PDGFD: variants seen among roughly 807,000 people sequenced by gnomAD.
The protein encoded by PDGFD is platelet-derived growth factor D.
In PDGFD, 30 loss-of-function variants were observed where a neutral mutation model predicts 44.7. That is an observed-to-expected ratio of 0.67 (90% CI 0.50 to 0.91). PDGFD has a LOEUF of 0.91. PDGFD is among the 40% of genes least tolerant of loss of function. The pLI, the probability that PDGFD is intolerant of heterozygous loss-of-function variation, is 0.00. For synonymous variants in PDGFD, 173 were observed against 168.4 expected (o/e 1.03, Z -0.21); for missense variants, 445 against 457.8 (o/e 0.97, Z 0.25).
chr11:103,913,376 C>T (rs185852771), intron 6 of PDGFD, among the ~76,000 whole-genome samples: 43 of 152,244 alleles, frequency 2.8e-4, no homozygotes, highest in African/African-American at 9.6e-4. Flanking sequence ...TACATGGAAA[C>T]TGAACAACCT....
At chr11:104,043,176 T>G (rs1860386982) in intron 1 of PDGFD, among the ~76,000 whole-genome samples, 2 of 152,168 alleles carry the variant, frequency 1.3e-5, no homozygotes, top group South Asian at 4.1e-4. Flanking sequence ...GTAGAGGGAA[T>G]GGTTCCTGCT....
At chr11:104,118,794 TAA>T (rs1369349116) in intron 1 of PDGFD, among the ~76,000 whole-genome samples, 1 of 108,204 alleles carries the variant, frequency 9.2e-6, no homozygotes, top group East Asian at 2.3e-4. Flanking sequence ...TTATATATTA[TAA>T]ATATTAATAT....
chr11:104,000,987 C>A (rs189553193), intron 1 of PDGFD, among the ~76,000 whole-genome samples: 13 of 152,096 alleles, frequency 8.5e-5, no homozygotes, highest in African/African-American at 2.9e-4. Context: ...CCCGGGACCA[C>A]GTCTGAATTT....
At chr11:104,024,661 G>C (rs994915901) in intron 1 of PDGFD, among the ~76,000 whole-genome samples, 2 of 152,140 alleles carry the variant, frequency 1.3e-5, no homozygotes, top group Non-Finnish European at 2.9e-5. Context: ...GGTTATGTAG[G>C]TTTGGCTAAG....
At chr11:103,936,268 C>T (rs957984700) in intron 5 of PDGFD, among the ~76,000 whole-genome samples, 3 of 152,136 alleles carry the variant, frequency 2.0e-5, no homozygotes, top group African/African-American at 4.8e-5. Flanking sequence ...TCACTGGTGT[C>T]GGCCAACAGC....
intron 1 of PDGFD, among the ~76,000 whole-genome samples, chr11:104,009,841 CT>C (rs1859756397): frequency 6.6e-6 from 1 of 152,120 alleles, no homozygotes; most frequent in South Asian, 2.1e-4. Context: ...GCTTTTTCAG[CT>C]TTTTCCCCCT....
chr11:104,036,887 G>A, intron 1 of PDGFD: 2 of 1,614,160 alleles, frequency 1.2e-6, no homozygotes, highest in Non-Finnish European at 8.5e-7. Flanking sequence ...CTCCAGGTCA[G>A]CCCCGACTTT....
intron 5 of PDGFD, among the ~76,000 whole-genome samples, chr11:103,929,464 A>G (rs1191948813): frequency 1.3e-5 from 2 of 152,230 alleles, no homozygotes; most frequent in East Asian, 1.9e-4. Context: ...TCCACAAACC[A>G]GGAGAAGGCA....
chr11:104,056,949 GA>G (rs1262063698), intron 1 of PDGFD, among the ~76,000 whole-genome samples: 3 of 152,084 alleles, frequency 2.0e-5, no homozygotes, highest in Admixed American at 6.5e-5. Flanking sequence ...TCAACATGGT[GA>G]AACCCCGTGT....
At chr11:104,111,601 A>G (rs1238068472) in intron 1 of PDGFD, among the ~76,000 whole-genome samples, 2 of 152,052 alleles carry the variant, frequency 1.3e-5, no homozygotes, top group African/African-American at 4.8e-5. Context: ...CCCATTCTAT[A>G]CCATTTTAGG....
intron 1 of PDGFD, among the ~76,000 whole-genome samples, chr11:104,084,161 C>A (rs185242335): frequency 1.1e-4 from 17 of 152,278 alleles, no homozygotes; most frequent in Admixed American, 3.3e-4. Context: ...AGTGAATGGA[C>A]AGAGAAGATG....
At chr11:103,949,946 A>T (rs73614254) in intron 3 of PDGFD, among the ~76,000 whole-genome samples, 6,005 of 152,214 alleles carry the variant, frequency 0.039, 392 homozygotes, top group African/African-American at 0.14. Flanking sequence ...TGAGGAAAGT[A>T]TACAGAAAAA....
intron 1 of PDGFD, among the ~76,000 whole-genome samples, chr11:104,109,124 A>C (rs1861513914): frequency 6.6e-6 from 1 of 152,002 alleles, no homozygotes; most frequent in Non-Finnish European, 1.5e-5. Flanking sequence ...TGGGTGCAGC[A>C]CACCAACATG....
chr11:104,008,465 T>G (rs1859736316), intron 1 of PDGFD, among the ~76,000 whole-genome samples: 1 of 152,146 alleles, frequency 6.6e-6, no homozygotes, highest in South Asian at 2.1e-4. Context: ...ACACATATTG[T>G]TTGGAAAAAT....
At chr11:103,931,670 T>A (rs1591081789) in intron 5 of PDGFD, among the ~76,000 whole-genome samples, 1 of 152,118 alleles carries the variant, frequency 6.6e-6, no homozygotes, top group East Asian at 1.9e-4. Flanking sequence ...CACCATAACT[T>A]CCGCCTCCCA....
intron 1 of PDGFD, among the ~76,000 whole-genome samples, chr11:104,131,670 T>C (rs1441868424): frequency 1.3e-5 from 2 of 151,862 alleles, no homozygotes; most frequent in Admixed American, 1.3e-4. Context: ...TTACAAAGAG[T>C]GGCATTTCTG....
intron 1 of PDGFD, among the ~76,000 whole-genome samples, chr11:104,017,676 G>T (rs1214073646): frequency 6.6e-6 from 1 of 152,168 alleles, no homozygotes; most frequent in Non-Finnish European, 1.5e-5. Context: ...GGGATTATTT[G>T]TGGGTGTGTG....
At chr11:104,118,900 A>G (rs113351150) in intron 1 of PDGFD, among the ~76,000 whole-genome samples, 26 of 91,200 alleles carry the variant, frequency 2.9e-4, no homozygotes, top group African/African-American at 1.1e-3. Flanking sequence ...TATGTATAAT[A>G]TTAAGTATAT....
At chr11:103,940,946 T>C (rs1858574172) in intron 5 of PDGFD, among the ~76,000 whole-genome samples, 1 of 152,072 alleles carries the variant, frequency 6.6e-6, no homozygotes, top group Admixed American at 6.6e-5. Context: ...AAAGCTACCC[T>C]CTCCAGTCTA....
Sources: allele counts gnomAD v4.1 joint callset (sites outside exome capture counted in the v4.1 genomes callset), GRCh38; gene constraint gnomAD v4.1.1; transcripts MANE v1.5; gene names NCBI Gene and HGNC (gene_info 2026-07-23, HGNC 2026-07-21).